The following MCC variants were observed in gnomAD, a reference collection of about 807,000 sequenced individuals.
MCC encodes the protein colorectal mutant cancer protein.
MCC carries 90 observed loss-of-function variants against 116.2 expected under a neutral mutation model. That is an observed-to-expected ratio of 0.77 (90% CI 0.65 to 0.92). The LOEUF is 0.92. Among genes scored for constraint, MCC ranks in the 40% least tolerant of loss-of-function variants. The probability of loss-of-function intolerance (pLI) is 0.00; values close to 1 mark genes in which losing one functional copy is unlikely to be tolerated. For missense variants in MCC, 1,516 were observed against 1,312.2 expected, an observed-to-expected ratio of 1.16 and a Z score of -2.40; for synonymous variants, 578 against 510.5, an observed-to-expected ratio of 1.13 and a Z score of -1.78.
chr5:113,194,520 C>T (rs779871534), intron 3 of MCC, among the ~76,000 whole-genome samples: 4 of 151,998 alleles, frequency 2.6e-5, no homozygotes, highest in Non-Finnish European at 4.4e-5. Context: ...AAAAACTAAC[C>T]GAGCATGCAT....
intron 14 of MCC, among the ~76,000 whole-genome samples, chr5:113,058,448 C>A (rs1444911990): frequency 6.6e-6 from 1 of 152,154 alleles, no homozygotes; most frequent in East Asian, 1.9e-4. Context: ...TGGAGCCCAG[C>A]AATCTGTGTT....
At position 113,086,061 on chromosome 5, in the gene MCC, C is replaced by T. The variant is rs186043710; in HGVS notation, c.1399-751G>A. On this transcript the variant is annotated intron_variant, in intron 8 of 18. Transcript: ENST00000408903. ...GCCTGACTGTGCTGGGGACTGCGGACGAGGACCCAGGATGATATCACCTCT... is the reference window on the plus strand; with the variant it reads ...GCCTGACTGTGCTGGGGACTGCGGATGAGGACCCAGGATGATATCACCTCT... Among the ~76,000 whole-genome samples the T allele has an allele frequency of 2.0e-4, 30 of 152,260 alleles. No individual in the cohort carries two copies. In the East Asian group the frequency reaches 3.5e-3, roughly 18 times the overall value.
intron 11 of MCC, among the ~76,000 whole-genome samples, chr5:113,071,725 T>C (rs565504081): frequency 6.6e-6 from 1 of 152,354 alleles, no homozygotes; most frequent in African/African-American, 2.4e-5. Context: ...GATGAGGAAA[T>C]GGAGGTCCAG....
chr5:113,041,194 G>A (rs1205243255), intron 17 of MCC, among the ~76,000 whole-genome samples: 1 of 152,170 alleles, frequency 6.6e-6, no homozygotes, highest in Non-Finnish European at 1.5e-5. Flanking sequence ...AGGTAGTGAA[G>A]TTCCCCACAA....
intron 5 of MCC, among the ~76,000 whole-genome samples, chr5:113,133,280 C>T (rs1359434461): frequency 1.3e-5 from 2 of 152,160 alleles, no homozygotes; most frequent in East Asian, 3.9e-4. Context: ...AACCTCTCTT[C>T]ATCCCCCTCT....
chr5:113,101,922 C>T lies in MCC; in HGVS notation c.1215G>A (p.Val405=). ...AIKTVEEIEG[V]LGRDLYPNLA... is the part of the protein sequence containing the mutation. ...GGTTGGGATACAGGTCCCGGCCAAG[C>T]ACCCCCTCAATCTCCTCGACTGTCT... The change falls in exon 8 of 19, where the codon GTG becomes GTA. Residue 405 remains valine, a synonymous_variant. Transcript: ENST00000408903. The T allele has an allele frequency of 1.2e-6, 2 of 1,613,868 alleles. No homozygotes were observed. Among genetic ancestry groups the T allele is most frequent in the Non-Finnish European group, 8.5e-7 (1 of 1,180,000 alleles).
chr5:113,211,096 C>T (rs1763119378), intron 3 of MCC, among the ~76,000 whole-genome samples: 2 of 152,130 alleles, frequency 1.3e-5, no homozygotes, highest in South Asian at 4.1e-4. Context: ...AATCCTCATC[C>T]CCAATGTGAT....
chr5:113,179,601 A>G (rs1022914801), intron 3 of MCC, among the ~76,000 whole-genome samples: 1 of 152,220 alleles, frequency 6.6e-6, no homozygotes, highest in Non-Finnish European at 1.5e-5. Flanking sequence ...ATTTCTATTG[A>G]TTTCTTTTAA....
intron 14 of MCC, among the ~76,000 whole-genome samples, chr5:113,058,824 C>T (rs1156663047): frequency 6.6e-6 from 1 of 152,234 alleles, no homozygotes; most frequent in African/African-American, 2.4e-5. Flanking sequence ...CACACAGCAC[C>T]TGTCCTGTGG....
intron 1 of MCC, among the ~76,000 whole-genome samples, chr5:113,444,826 G>A (rs181350065): frequency 1.4e-4 from 21 of 152,244 alleles, no homozygotes; most frequent in Admixed American, 9.1e-4. Flanking sequence ...ACCTGATGAC[G>A]ATAACAACAA....
chr5:113,361,756 GA>G (rs1419559783), intron 2 of MCC, among the ~76,000 whole-genome samples: 1 of 152,194 alleles, frequency 6.6e-6, no homozygotes, highest in Admixed American at 6.5e-5. Context: ...GGACCAGATG[GA>G]ACAAAGAGAA....
chr5:113,064,742 T>G (rs1753469908), intron 13 of MCC, among the ~76,000 whole-genome samples: 1 of 152,136 alleles, frequency 6.6e-6, no homozygotes, highest in African/African-American at 2.4e-5. Flanking sequence ...CGGCGTGAAC[T>G]CAAATGCCTC....
chr5:113,444,522 A>G lies in MCC; in HGVS notation c.170+43723T>C, dbSNP rs190832138. On this transcript the variant is annotated intron_variant, in intron 1 of 18. Coordinates refer to ENST00000408903, the MANE Select transcript of MCC (RefSeq NM_001085377.2). ...TTCCTTCTAAACTATATATATCCAC[A>G]TGTCTAATCTTGTTTCCTCATCTAA... Among the ~76,000 whole-genome samples the G allele has an allele frequency of 5.7e-4, 87 of 152,316 alleles. 1 individual carries two copies. In the Middle Eastern group the frequency reaches 0.014, roughly 24 times the overall value.
chr5:113,294,247 TGTGGGGAGGTC>T, intron 3 of MCC: 1 of 1,574,310 alleles, frequency 6.4e-7, no homozygotes, highest in Non-Finnish European at 8.7e-7. Flanking sequence ...GGTGTAGGGC[TGTGGGGAGGTC>T]GAGGGGAGGG....
At chr5:113,161,666 G>A (rs1231451934) in intron 3 of MCC, among the ~76,000 whole-genome samples, 1 of 89,018 alleles carries the variant, frequency 1.1e-5, no homozygotes, top group Admixed American at 1.2e-4. Context: ...GTGTGTGTGT[G>A]TGTGTCTACA....
intron 3 of MCC, among the ~76,000 whole-genome samples, chr5:113,251,701 G>A (rs1764811738): frequency 6.6e-6 from 1 of 152,192 alleles, no homozygotes; most frequent in African/African-American, 2.4e-5. Flanking sequence ...GGAAGTCTCA[G>A]TTTTTAAAAA....
intron 17 of MCC, among the ~76,000 whole-genome samples, chr5:113,031,243 C>T (rs1345541372): frequency 6.6e-6 from 1 of 152,254 alleles, no homozygotes; most frequent in Non-Finnish European, 1.5e-5. Flanking sequence ...TCAGTAAATC[C>T]TCCTACCCGC....
intron 14 of MCC, among the ~76,000 whole-genome samples, chr5:113,062,864 G>C (rs1272075825): frequency 6.6e-6 from 1 of 152,230 alleles, no homozygotes; most frequent in African/African-American, 2.4e-5. Context: ...AGGGGAGAAA[G>C]AGAGAGGGGA....
At chr5:113,294,231 G>T (rs1766625462) in intron 3 of MCC, 2 of 1,478,772 alleles carry the variant, frequency 1.4e-6, no homozygotes, top group Admixed American at 1.8e-5. Context: ...GAGCACAGGG[G>T]GATAGGGTGT....
Sources: allele counts gnomAD v4.1 joint callset (sites outside exome capture counted in the v4.1 genomes callset), GRCh38; gene constraint gnomAD v4.1.1; transcripts MANE v1.5; gene names NCBI Gene and HGNC (gene_info 2026-07-23, HGNC 2026-07-21).